The following WDFY4 variants were observed in gnomAD, a reference collection of about 807,000 sequenced individuals.
WDFY4 encodes WD repeat- and FYVE domain-containing protein 4.
In WDFY4, 169 loss-of-function variants were observed where a neutral mutation model predicts 351.9. That is an observed-to-expected ratio of 0.48 (90% confidence interval 0.42 to 0.55). The LOEUF (loss-of-function observed/expected upper bound fraction) is 0.55. Ranked by LOEUF, WDFY4 falls within the 20% of genes least tolerant of loss-of-function variation. The probability of loss-of-function intolerance (pLI) is 0.00; values close to 1 mark genes in which losing one functional copy is unlikely to be tolerated. For synonymous variants in WDFY4, 1,622 were observed against 1,574.6 expected, an observed-to-expected ratio of 1.03 and a Z score of -0.71; for missense variants, 3,803 against 3,935.6, an observed-to-expected ratio of 0.97 and a Z score of 0.90.
At chr10:48,729,674 T>G in intron 8 of WDFY4, 85 bp downstream of exon 8, 8 of 1,485,492 alleles carry the variant, frequency 5.4e-6, no homozygotes, top group Non-Finnish European at 7.2e-6. Context: ...TGATTCTTTG[T>G]GTACCTTTCA....
rs554625047 is a variant in WDFY4, at chr10:48,799,934, G to A, written c.4411-3352G>A. On this transcript the variant is annotated intron_variant, in intron 24 of 61. Transcript: ENST00000325239. ...CAGAGTCTCACTCTGTTGCCAGACCGGAGTGCAGTGGCACAATCTCGGCTC... is the reference window on the plus strand; with the variant it reads ...CAGAGTCTCACTCTGTTGCCAGACCAGAGTGCAGTGGCACAATCTCGGCTC... Among the ~76,000 whole-genome samples the A allele has an allele frequency of 4.0e-3, 607 of 152,052 alleles. 4 individuals carry two copies. The highest frequency in any genetic ancestry group is 0.014 in the African/African-American group (569 of 41,482).
chr10:48,946,709 T>A, intron 50 of WDFY4, 151 bp from the exon 51 acceptor site: 1 of 626,330 alleles, frequency 1.6e-6, no homozygotes, highest in Non-Finnish European at 2.8e-6. Flanking sequence ...GTGATCTTAT[T>A]GCCTGAATGT....
At chr10:48,963,209 C>G (rs1427606555) in intron 53 of WDFY4, among the ~76,000 whole-genome samples, 1 of 152,258 alleles carries the variant, frequency 6.6e-6, no homozygotes, top group East Asian at 1.9e-4. Context: ...TGTGAAACAG[C>G]CAGTGCCTGG....
chr10:48,940,567 A>C (rs115817424), intron 47 of WDFY4, among the ~76,000 whole-genome samples: 2,793 of 152,334 alleles, frequency 0.018, 79 homozygotes, highest in African/African-American at 0.064. Context: ...GACACAGACC[A>C]TGCAGGTGGA....
chr10:48,877,666 C>T (rs527630992), intron 43 of WDFY4, among the ~76,000 whole-genome samples: 1 of 152,232 alleles, frequency 6.6e-6, no homozygotes, highest in African/African-American at 2.4e-5. Flanking sequence ...CTCACCTTGG[C>T]CACCACTCAA....
chr10:48,703,087 G>A (rs11814684), intron 1 of WDFY4, among the ~76,000 whole-genome samples: 2,083 of 152,300 alleles, frequency 0.014, 16 homozygotes, highest in Non-Finnish European at 0.021. Context: ...AGATTGTAAG[G>A]TCTCCTTGTT....
At position 48,849,798 on chromosome 10, in the gene WDFY4, A is replaced by G. The variant is rs182753992; in HGVS notation, c.6663+17089A>G. ...TACTATTGACTAAACATCAGACTTTATTTTAATTTCATCATATTTATCTGC... is the reference window on the plus strand; with the variant it reads ...TACTATTGACTAAACATCAGACTTTGTTTTAATTTCATCATATTTATCTGC... On this transcript the variant is annotated intron_variant, in intron 39 of 61. Coordinates refer to ENST00000325239, the MANE Select transcript of WDFY4 (RefSeq NM_001394531.1). Among the ~76,000 whole-genome samples the G allele has an allele frequency of 1.1e-4, 16 of 152,326 alleles. No individual in the cohort carries two copies. The East Asian group carries it at 2.3e-3, about 22-fold the overall frequency.
chr10:48,976,594 G>A (rs1564545108), intron 58 of WDFY4: 5 of 400,808 alleles, frequency 1.2e-5, no homozygotes, highest in Non-Finnish European at 1.3e-5. Context: ...CATGACTGCA[G>A]TATGAAAAGA....
chr10:48,787,006 A>G (rs1199612909), intron 20 of WDFY4, 136 bp downstream of exon 20: 4 of 710,462 alleles, frequency 5.6e-6, no homozygotes, highest in African/African-American at 3.6e-5. Flanking sequence ...TAATTGTATC[A>G]TTATATATTT....
chr10:48,707,810 T>C (rs1382243000), intron 1 of WDFY4, among the ~76,000 whole-genome samples: 3 of 151,986 alleles, frequency 2.0e-5, no homozygotes, highest in Non-Finnish European at 4.4e-5. Flanking sequence ...GGAATGCGAA[T>C]GGAGAATGGA....
At position 48,873,659 on chromosome 10, in the gene WDFY4, T is replaced by G; in HGVS notation, c.6910T>G (p.Leu2304Val). ...PARMRKRIKR[L>V]SPLEALSSGR... ...TCGAATGAGGAAACGCATCAAACGCTTGTCTCCTTTGGAGGCCCTGAGCTC... is the reference window on the plus strand; with the variant it reads ...TCGAATGAGGAAACGCATCAAACGCGTGTCTCCTTTGGAGGCCCTGAGCTC... Residue 2304 changes from leucine to valine, a missense_variant, in exon 41 of 62, where the codon TTG becomes GTG. Leu to Val is a conservative substitution (Grantham distance 32). Around this residue, in one of 3 missense-constraint regions of WDFY4, gnomAD observed 3,054 missense variants for 3,148.6 expected, o/e 0.97. Transcript: ENST00000325239. 1 of 1,551,824 alleles carries G rather than the reference T, an allele frequency of 6.4e-7. No individual in the cohort carries two copies. Among genetic ancestry groups the G allele is most frequent in the East Asian group, 2.4e-5 (1 of 40,914 alleles).
intron 47 of WDFY4, among the ~76,000 whole-genome samples, chr10:48,917,581 C>A (rs1022304738): frequency 1.3e-5 from 2 of 152,176 alleles, no homozygotes; most frequent in Non-Finnish European, 2.9e-5. Flanking sequence ...GCCAGAGGTG[C>A]TGGAAACATC....
intron 1 of WDFY4, among the ~76,000 whole-genome samples, chr10:48,693,132 C>A (rs1053014824): frequency 6.6e-6 from 1 of 152,060 alleles, no homozygotes; most frequent in Admixed American, 6.5e-5. Flanking sequence ...AGGAATTAGG[C>A]AAGGAGGGGG....
chr10:48,861,619 AT>A, intron 39 of WDFY4, among the ~76,000 whole-genome samples: 1 of 151,596 alleles, frequency 6.6e-6, no homozygotes, highest in Admixed American at 6.6e-5. Context: ...TGTGTTTAGG[AT>A]TTTTTTCTTT....
intron 21 of WDFY4, 146 bp from the exon 22 acceptor site, chr10:48,789,728 G>A (rs965104700): frequency 1.4e-5 from 10 of 711,422 alleles, no homozygotes; most frequent in East Asian, 8.2e-5. Context: ...CCTGACATTG[G>A]TTCAATTGCT....
At chr10:48,707,274 G>C (rs1032975981) in intron 1 of WDFY4, among the ~76,000 whole-genome samples, 4 of 152,158 alleles carry the variant, frequency 2.6e-5, no homozygotes, top group African/African-American at 9.7e-5. Flanking sequence ...GTGATGCCAA[G>C]CAGGGTGGTA....
At chr10:48,840,567 G>A (rs116708187) in intron 39 of WDFY4, among the ~76,000 whole-genome samples, 1,613 of 152,086 alleles carry the variant, frequency 0.011, 27 homozygotes, top group African/African-American at 0.037. Flanking sequence ...GCAAGCAATT[G>A]ACATTAGAAT....
chr10:48,881,016 TC>T (rs551821748), intron 43 of WDFY4, among the ~76,000 whole-genome samples: 372 of 152,286 alleles, frequency 2.4e-3, no homozygotes, highest in African/African-American at 8.6e-3. Context: ...AGAGAACCAT[TC>T]CCCAGCCTCC....
At chr10:48,922,381 G>A (rs1839162231) in intron 47 of WDFY4, among the ~76,000 whole-genome samples, 1 of 152,182 alleles carries the variant, frequency 6.6e-6, no homozygotes, top group Non-Finnish European at 1.5e-5. Flanking sequence ...ATGCCAAAGA[G>A]AGAGATGCCT....
Sources: allele counts gnomAD v4.1 joint callset (sites outside exome capture counted in the v4.1 genomes callset), GRCh38; gene constraint gnomAD v4.1.1; regional missense constraint gnomAD v4.1.1; transcripts MANE v1.5; gene names NCBI Gene and HGNC (gene_info 2026-07-23, HGNC 2026-07-21).